Variants in PC observed in about 807,000 individuals in gnomAD.
PC encodes pyruvate carboxylase, also known as pyruvate carboxylase, mitochondrial.
Under a neutral mutation model 107.8 loss-of-function variants are expected in PC, and 46 were observed. That is an observed-to-expected ratio of 0.43 (90% CI 0.34 to 0.55). PC has a LOEUF of 0.55. Ranked by LOEUF, PC falls within the 20% of genes least tolerant of loss-of-function variation. The pLI is 0.04. For synonymous variants in PC, 662 were observed against 684.7 expected, an observed-to-expected ratio of 0.97 and a Z score of 0.52; for missense variants, 1,241 against 1,643.1, an observed-to-expected ratio of 0.76 and a Z score of 4.23.
chr11:66,888,979 C>T (rs1435349069), intron 3 of PC, among the ~76,000 whole-genome samples: 2 of 152,134 alleles, frequency 1.3e-5, no homozygotes, highest in Non-Finnish European at 2.9e-5. Flanking sequence ...GACGCTGAGG[C>T]AGGAGAATCG....
At chr11:66,918,133 T>C (rs1488679209) in intron 3 of PC, among the ~76,000 whole-genome samples, 1 of 152,070 alleles carries the variant, frequency 6.6e-6, no homozygotes, top group East Asian at 1.9e-4. Context: ...TAAAGAAAAA[T>C]TCACATGCAA....
At chr11:66,928,401 A>C (rs1948770032) in intron 3 of PC, among the ~76,000 whole-genome samples, 1 of 151,626 alleles carries the variant, frequency 6.6e-6, no homozygotes. Flanking sequence ...AAAAAAAAAA[A>C]ACAAGAATCA....
chr11:66,876,664 G>A (rs1007378970), intron 3 of PC, among the ~76,000 whole-genome samples: 2 of 152,188 alleles, frequency 1.3e-5, no homozygotes, highest in Admixed American at 1.3e-4. Context: ...TGCTCCAGGC[G>A]AGTTATCGGA....
intron 3 of PC, among the ~76,000 whole-genome samples, chr11:66,874,383 C>T (rs778965712): frequency 1.3e-5 from 2 of 152,208 alleles, no homozygotes. Flanking sequence ...CCACCACACC[C>T]GGCCGATCTG....
At chr11:66,921,000 T>C (rs1948580482) in intron 3 of PC, among the ~76,000 whole-genome samples, 1 of 143,738 alleles carries the variant, frequency 7.0e-6, no homozygotes, top group Admixed American at 7.1e-5. Context: ...ATCTCCAGGC[T>C]GGGTGGCGGA....
At chr11:66,913,899 T>G (rs1948405104) in intron 3 of PC, among the ~76,000 whole-genome samples, 1 of 152,010 alleles carries the variant, frequency 6.6e-6, no homozygotes, top group Admixed American at 6.6e-5. Context: ...ACCCCTCAGG[T>G]GTAGAGTCTG....
Position 66,859,932 on chromosome 11 carries a change from C to T in PC, c.1368+3842G>A, listed in dbSNP as rs756667500. The T allele has an allele frequency of 3.8e-6, 6 of 1,590,156 alleles. No homozygotes were observed. The African/African-American group carries it at 4.0e-5, about 11-fold the overall frequency. ...GGGCCGGGGGGCCGGAAATGGCCGCCTCCCCCTCAAGCTCAGCCACGTCCA... is the reference window on the plus strand; with the variant it reads ...GGGCCGGGGGGCCGGAAATGGCCGCTTCCCCCTCAAGCTCAGCCACGTCCA... On this transcript the variant is annotated intron_variant, in intron 12 of 22. Transcript: ENST00000393960.
intron 3 of PC, among the ~76,000 whole-genome samples, chr11:66,910,593 G>T (rs1464847058): frequency 6.6e-6 from 1 of 152,206 alleles, no homozygotes; most frequent in Non-Finnish European, 1.5e-5. Context: ...CATACGGCCG[G>T]TGGAAGCAAG....
rs1281221691 is a variant in PC, at chr11:66,870,937, G to A, written c.634-45C>T. The stretch of plus-strand genomic sequence containing the variant: ...CCAGCCAGACCTCAGACCCCACAGC[G>A]CTACCTCTCCCCTGCCATGAACCCC... On this transcript the variant is annotated intron_variant, in intron 7 of 22. Transcript: ENST00000393960. This position sits in a 1 kb window ranked among gnomAD's most constrained non-coding sequence, Gnocchi z 6.1. The A allele has an allele frequency of 3.1e-6, 5 of 1,601,972 alleles. No individual in the cohort carries two copies. The highest frequency in any genetic ancestry group is 2.2e-5 in the East Asian group (1 of 44,840).
intron 12 of PC, among the ~76,000 whole-genome samples, chr11:66,854,997 C>T (rs1395323742): frequency 6.6e-6 from 1 of 152,268 alleles, no homozygotes; most frequent in East Asian, 1.9e-4. Flanking sequence ...TTCGCCCTGT[C>T]CTCACACCCT....
chr11:66,876,474 C>T (rs1379981767), intron 3 of PC, among the ~76,000 whole-genome samples: 3 of 152,234 alleles, frequency 2.0e-5, no homozygotes, highest in Non-Finnish European at 4.4e-5. Context: ...CCATACCCAC[C>T]GCTAATGCCG....
At chr11:66,940,199 CTTTTTT>C (rs144463616) in intron 3 of PC, among the ~76,000 whole-genome samples, 1 of 137,410 alleles carries the variant, frequency 7.3e-6, no homozygotes, top group Non-Finnish European at 1.6e-5. Flanking sequence ...GTTCCCAAAA[CTTTTTT>C]TTTTTTTTTT....
At chr11:66,853,070 T>C in intron 13 of PC, 169 bp downstream of exon 13, 1 of 761,762 alleles carries the variant, frequency 1.3e-6, no homozygotes, top group East Asian at 2.7e-5. Flanking sequence ...AGGAGAGCAG[T>C]GAATGGCAGG....
chr11:66,865,671 G>C (rs1007217264), intron 11 of PC, among the ~76,000 whole-genome samples: 2 of 152,122 alleles, frequency 1.3e-5, no homozygotes, highest in South Asian at 4.2e-4. Context: ...TCGCGGCCCC[G>C]AATCTACCTC....
chr11:66,866,389 A>T lies in PC; in HGVS notation c.1023-40T>A. The T allele has an allele frequency of 7.0e-6, 7 of 997,114 alleles. No individual in the cohort carries two copies. Among genetic ancestry groups the T allele is most frequent in the East Asian group, 3.3e-5 (1 of 30,540 alleles). 61.8% of individuals were successfully genotyped at this position (997,114 alleles called of 1,614,324 possible). On this transcript the variant is annotated intron_variant, in intron 10 of 22. Transcript: ENST00000393960. This position sits in a 1 kb window ranked among gnomAD's most constrained non-coding sequence, Gnocchi z 5.4. ...GGGGAGGGGGGAAAGGACGGGAGAA[A>T]GGGGGAAACATGAGGCGGGGGATAG...
intron 3 of PC, among the ~76,000 whole-genome samples, chr11:66,907,357 G>A (rs182276739): frequency 6.6e-6 from 1 of 152,184 alleles, no homozygotes; most frequent in East Asian, 1.9e-4. Context: ...GTGAAACCCC[G>A]TCTCTACGAA....
chr11:66,861,381 C>G (rs941550465), intron 12 of PC, among the ~76,000 whole-genome samples: 2 of 152,242 alleles, frequency 1.3e-5, no homozygotes, highest in Admixed American at 1.3e-4. Flanking sequence ...ACGGCAAACA[C>G]GCTGCACAGA....
intron 12 of PC, among the ~76,000 whole-genome samples, chr11:66,861,825 CTA>C (rs1426586608): frequency 1.3e-5 from 2 of 151,932 alleles, no homozygotes; most frequent in Non-Finnish European, 2.9e-5. Context: ...GTCACGGTCT[CTA>C]GTGCCCCTTT....
At chr11:66,923,333 G>T (rs1948637836) in intron 3 of PC, among the ~76,000 whole-genome samples, 1 of 146,598 alleles carries the variant, frequency 6.8e-6, no homozygotes, top group Non-Finnish European at 1.5e-5. Flanking sequence ...CTGCACTCTA[G>T]CCTGGGAGAC....
Sources: gnomAD v4.1 joint callset for allele counts (sites outside exome capture counted in the v4.1 genomes callset) on GRCh38, gnomAD v4.1.1 for gene constraint, Gnocchi (gnomAD v3.1) non-coding constraint, MANE v1.5 for transcripts, NCBI Gene and HGNC (gene_info 2026-07-23, HGNC 2026-07-21) for gene names.